Variants in AASS observed in about 807,000 individuals in gnomAD.
The protein encoded by AASS is aminoadipate-semialdehyde synthase, also known as alpha-aminoadipic semialdehyde synthase, mitochondrial.
AASS carries 86 observed loss-of-function variants against 105.4 expected under a neutral mutation model. The ratio of observed to expected loss-of-function variants is 0.82; its 90% confidence interval spans 0.69 to 0.98. The LOEUF (loss-of-function observed/expected upper bound fraction) is 0.98, where lower values mean the gene tolerates loss of function less well. Among genes scored for constraint, AASS ranks in the 50% least tolerant of loss-of-function variants. The pLI, the probability that AASS is intolerant of heterozygous loss-of-function variation, is 0.00. For synonymous variants in AASS, 381 were observed against 394.8 expected (o/e 0.96, Z 0.41); for missense variants, 1,048 against 1,143.2 (o/e 0.92, Z 1.20).
In AASS at chr7:122,078,990, A is replaced by G. The variant is rs746500410; in HGVS notation, c.2397-40T>C. On this transcript the variant is annotated intron_variant, in intron 21 of 23. Transcript: ENST00000417368. The stretch of plus-strand genomic sequence containing the variant: ...AGATGGCTGCATTAGTTCAAGTCCT[A>G]TACATGTTCTCATTTGGGAAGCAAA... The G allele has an allele frequency of 3.1e-6, 5 of 1,613,660 alleles. No individual in the cohort carries two copies. The South Asian group carries it at 4.4e-5, about 14-fold the overall frequency.
rs546658438 is a variant in AASS at position 122,141,503 on chromosome 7, C to T, written c.-16+2658G>A. ...TCATCTCTGTATTCCCAATGACTGG[C>T]ACATGGGAAAACAGCAAGTGTTTTA... On this transcript the variant is annotated intron_variant, in intron 1 of 23. Coordinates refer to ENST00000417368, the MANE Select transcript of AASS (RefSeq NM_005763.4). 1.6e-4 allele frequency among the ~76,000 whole-genome samples: 25 copies of T among 151,902 alleles called. No individual in the cohort carries two copies. The East Asian group carries it at 4.7e-3, about 28-fold the overall frequency.
Position 122,129,408 on chromosome 7 carries a change from TTA to T in AASS, c.338_339del (p.Ile113LysfsTer12). ...AAGCCCATATTGGCCTCCTGAGCTT[TTA>T]TTGTGTGGGAGAAAAATGCATAAGT... The part of the protein sequence containing the change: ...RKTYAFFSHT[I>X]KAQEANMGLL... On this transcript the variant is annotated frameshift_variant, in exon 3 of 24. Coordinates refer to ENST00000417368, the MANE Select transcript of AASS (RefSeq NM_005763.4). LOFTEE classifies it high-confidence loss of function. The T allele has an allele frequency of 6.2e-7, 1 of 1,613,100 alleles. No individual in the cohort carries two copies. The highest frequency in any genetic ancestry group is 8.5e-7 in the Non-Finnish European group (1 of 1,179,404).
chr7:122,086,830 A>G (rs1793651419), intron 18 of AASS, among the ~76,000 whole-genome samples: 1 of 152,166 alleles, frequency 6.6e-6, no homozygotes, highest in Non-Finnish European at 1.5e-5. Flanking sequence ...TTGTGAAGGG[A>G]ATAACATGAG....
At chr7:122,083,676 G>A (rs1375186541) in intron 19 of AASS, among the ~76,000 whole-genome samples, 1 of 152,092 alleles carries the variant, frequency 6.6e-6, no homozygotes, top group Non-Finnish European at 1.5e-5. Flanking sequence ...AGCTGTGGGA[G>A]CACAAAAGAA....
At chr7:122,096,717 G>C (rs1482282367) in intron 15 of AASS, among the ~76,000 whole-genome samples, 4 of 152,048 alleles carry the variant, frequency 2.6e-5, no homozygotes, top group African/African-American at 7.2e-5. Flanking sequence ...CACCAAATGA[G>C]AAAACATTAA....
At chr7:122,083,570 T>C (rs1793479414) in intron 19 of AASS, among the ~76,000 whole-genome samples, 1 of 151,932 alleles carries the variant, frequency 6.6e-6, no homozygotes, top group African/African-American at 2.4e-5. Flanking sequence ...GTCAAGCAAA[T>C]AATGCCTAGT....
In AASS at chr7:122,079,685, T is replaced by C. The variant is rs1381118154; in HGVS notation, c.2308A>G (p.Ile770Val). ...WKQLLCDLVG[I>V]SPSSEHDVLK... ...ACATCATGCTCAGAGGAGGGTGAAA[T>C]CCCAACTAGGTCACAGAGGAGTTGT... The change falls in exon 21 of 24, where the codon ATT (isoleucine) becomes GTT (valine). Residue 770 changes from isoleucine to valine, a missense_variant. Transcript: ENST00000417368. 2 of 1,613,642 alleles carry C rather than the reference T, an allele frequency of 1.2e-6. No homozygotes were observed. Among genetic ancestry groups the C allele is most frequent in the African/African-American group, 1.3e-5 (1 of 74,890 alleles).
chr7:122,118,910 G>C (rs1795316721), intron 4 of AASS, among the ~76,000 whole-genome samples: 1 of 152,070 alleles, frequency 6.6e-6, no homozygotes, highest in African/African-American at 2.4e-5. Flanking sequence ...CTTGGCTCCG[G>C]ATCCCATCCC....
intron 4 of AASS, among the ~76,000 whole-genome samples, chr7:122,120,039 C>T (rs1175685163): frequency 1.3e-5 from 2 of 152,144 alleles, no homozygotes; most frequent in East Asian, 3.8e-4. Flanking sequence ...AATGTGTCGG[C>T]TTTTACTCAG....
chr7:122,131,091 G>A (rs1254260449), intron 2 of AASS, among the ~76,000 whole-genome samples: 1 of 151,488 alleles, frequency 6.6e-6, no homozygotes, highest in African/African-American at 2.4e-5. Context: ...CCTCTTTGGG[G>A]TGGGTGAGAA....
At chr7:122,087,715 C>T (rs1019180822) in intron 18 of AASS, among the ~76,000 whole-genome samples, 2 of 152,070 alleles carry the variant, frequency 1.3e-5, no homozygotes, top group African/African-American at 2.4e-5. Flanking sequence ...AAAAAGCAAA[C>T]GTTGACTTTT....
At position 122,098,916 on chromosome 7, in the gene AASS, A is replaced by T. The variant is rs556818802; in HGVS notation, c.1407-50T>A. Reference sequence around the variant, plus strand: ...AAAAAAGGGAAGGGGCTAATTAAAAATTTTTTTTTAAATAACAGAATCTTG... The same window carrying T: ...AAAAAAGGGAAGGGGCTAATTAAAATTTTTTTTTTAAATAACAGAATCTTG... On this transcript the variant is annotated intron_variant, in intron 13 of 23. Coordinates refer to ENST00000417368, the MANE Select transcript of AASS (RefSeq NM_005763.4). 7.8e-4 allele frequency: 1,150 copies of T among 1,481,178 alleles called. 11 individuals are homozygous for T. The South Asian group carries it at 9.7e-3, about 12-fold the overall frequency. 91.8% of individuals were successfully genotyped at this position (1,481,178 alleles called of 1,614,324 possible).
chr7:122,078,088 C>G, intron 22 of AASS, 74 bp from the exon 23 acceptor site: 1 of 1,425,148 alleles, frequency 7.0e-7, no homozygotes, highest in Non-Finnish European at 9.9e-7. Flanking sequence ...CTCCTCCTGC[C>G]CTTCTGGTCT....
chr7:122,136,515 TTC>T (rs1366718331), intron 1 of AASS, among the ~76,000 whole-genome samples: 2 of 152,210 alleles, frequency 1.3e-5, no homozygotes, highest in African/African-American at 4.8e-5. Flanking sequence ...TATTCATATC[TTC>T]TGTTTTTTAA....
At chr7:122,129,337 T>C (rs1299497804) in intron 3 of AASS, 24 bp downstream of exon 3, 1 of 1,446,388 alleles carries the variant, frequency 6.9e-7, no homozygotes, top group South Asian at 1.5e-5. Flanking sequence ...ACATTAATAT[T>C]TATAAATATT....
At chr7:122,091,129 C>T (rs529488893) in intron 18 of AASS, among the ~76,000 whole-genome samples, 128 of 152,296 alleles carry the variant, frequency 8.4e-4, no homozygotes, top group African/African-American at 2.9e-3. Context: ...GGGTTTGAAT[C>T]TCAGCCAAAT....
intron 20 of AASS, among the ~76,000 whole-genome samples, chr7:122,080,599 A>T (rs1289160339): frequency 6.6e-6 from 1 of 152,182 alleles, no homozygotes; most frequent in Non-Finnish European, 1.5e-5. Flanking sequence ...TGCACACAAA[A>T]AAAATGAATG....
chr7:122,086,618 TA>T (rs1311520567), intron 18 of AASS, among the ~76,000 whole-genome samples: 1 of 151,856 alleles, frequency 6.6e-6, no homozygotes, highest in Non-Finnish European at 1.5e-5. Flanking sequence ...TAAAAATGTT[TA>T]AAAAATAAAC....
chr7:122,092,935 T>A lies in AASS; in HGVS notation c.1783A>T (p.Ile595Phe). 6.2e-7 allele frequency: 1 copy of A among 1,613,932 alleles called. No individual in the cohort carries two copies. The highest frequency in any genetic ancestry group is 1.1e-5 in the South Asian group (1 of 91,084). The change falls in exon 17 of 24, where the codon ATC (isoleucine) becomes TTC (phenylalanine). Residue 595 changes from isoleucine to phenylalanine, a missense_variant. Physicochemically the swap from Ile to Phe is conservative, Grantham distance 21. Coordinates refer to ENST00000417368, the MANE Select transcript of AASS (RefSeq NM_005763.4). ...AATCCCAATTCACCAATGATTGTGATGCCAGCATCTTCCACACTGCAGCAG... is the reference window on the plus strand; with the variant it reads ...AATCCCAATTCACCAATGATTGTGAAGCCAGCATCTTCCACACTGCAGCAG... ...ELEKSVEDAG[I>F]TIIGELGLDP... is the part of the protein sequence containing the mutation.
Sources: gnomAD v4.1 joint callset for allele counts (sites outside exome capture counted in the v4.1 genomes callset) on GRCh38, gnomAD v4.1.1 for gene constraint, MANE v1.5 for transcripts, NCBI Gene and HGNC (gene_info 2026-07-23, HGNC 2026-07-21) for gene names.